Variants in PLD5 observed in about 807,000 individuals in gnomAD.
The protein encoded by PLD5 is phospholipase D family member 5.
In PLD5, 36 loss-of-function variants were observed where a neutral mutation model predicts 61.1. The ratio of observed to expected loss-of-function variants is 0.59; its 90% CI spans 0.45 to 0.78. PLD5 has a LOEUF of 0.78. Among genes scored for constraint, PLD5 ranks in the 30% least tolerant of loss-of-function variants. The pLI is 0.00. For missense variants in PLD5, 515 were observed against 644.4 expected (o/e 0.80, Z 2.17); for synonymous variants, 243 against 242.8 (o/e 1.00, Z -0.01).
In PLD5 at chr1:242,089,403, A is replaced by T; in HGVS notation, c.*451T>A. On this transcript the variant is annotated 3_prime_UTR_variant, in exon 10 of 10. Transcript: ENST00000536534. The stretch of plus-strand genomic sequence containing the variant: ...TTAGCTGACTGTGTAGGTCTTGGAG[A>T]CGATTTACAAGAATAAACACTTGGT... The T allele has an allele frequency of 1.5e-5, 6 of 397,364 alleles. No individual in the cohort carries two copies. Among genetic ancestry groups the T allele is most frequent in the Admixed American group, 1.3e-4 (3 of 22,960 alleles). 24.6% of individuals were successfully genotyped at this position (397,364 alleles called of 1,614,324 possible).
intron 1 of PLD5, among the ~76,000 whole-genome samples, chr1:242,460,046 T>C (rs915897903): frequency 6.6e-6 from 1 of 152,216 alleles, no homozygotes; most frequent in Non-Finnish European, 1.5e-5. Context: ...CTGATTAATA[T>C]CTTGCTAATC....
chr1:242,425,639 C>CTTTTTTTTTTTTTTTTTTTTTTTTTTT (rs35709516), intron 1 of PLD5, among the ~76,000 whole-genome samples: 1 of 129,892 alleles, frequency 7.7e-6, no homozygotes, highest in Non-Finnish European at 1.6e-5. Flanking sequence ...CTTACTGTAA[C>CTTTTTTTTTTTTTTTTTTTTTTTTTTT]TTTTTTTTTT....
chr1:242,147,791 T>C (rs1015348513), intron 5 of PLD5, among the ~76,000 whole-genome samples: 2 of 152,226 alleles, frequency 1.3e-5, no homozygotes, highest in African/African-American at 4.8e-5. Flanking sequence ...AAGGTATTTA[T>C]ATACTGACTT....
At chr1:242,253,115 C>CTTTTTTTTTT (rs35097685) in intron 4 of PLD5, among the ~76,000 whole-genome samples, 5 of 73,198 alleles carry the variant, frequency 6.8e-5, no homozygotes, top group African/African-American at 2.4e-4. Flanking sequence ...GTGTATGGCC[C>CTTTTTTTTTT]TTTTTTTTTT....
intron 2 of PLD5, among the ~76,000 whole-genome samples, chr1:242,312,804 G>T (rs1350760203): frequency 3.3e-5 from 5 of 152,220 alleles, no homozygotes; most frequent in Non-Finnish European, 5.9e-5. Context: ...TGGGGCAAGG[G>T]TGAGTAAAAA....
At chr1:242,339,270 A>T (rs547538142) in intron 2 of PLD5, among the ~76,000 whole-genome samples, 1 of 152,296 alleles carries the variant, frequency 6.6e-6, no homozygotes, top group African/African-American at 2.4e-5. Flanking sequence ...AGAGAGACAG[A>T]TAGATGTGTT....
At chr1:242,139,179 A>G (rs1180896508) in intron 5 of PLD5, among the ~76,000 whole-genome samples, 2 of 151,824 alleles carry the variant, frequency 1.3e-5, no homozygotes, top group African/African-American at 4.8e-5. Flanking sequence ...TGCAAATACT[A>G]CTGTGTTATT....
At chr1:242,178,134 C>G (rs553115977) in intron 5 of PLD5, among the ~76,000 whole-genome samples, 1 of 152,218 alleles carries the variant, frequency 6.6e-6, no homozygotes, top group African/African-American at 2.4e-5. Context: ...TAAAGCTTAT[C>G]CAGCATCTAG....
chr1:242,307,999 A>G (rs1324789712), intron 2 of PLD5, among the ~76,000 whole-genome samples: 1 of 152,246 alleles, frequency 6.6e-6, no homozygotes, highest in East Asian at 1.9e-4. Context: ...ATTATACAAT[A>G]TAACAGTTAC....
At chr1:242,524,942 C>T (rs1006224253), upstream of PLD5, among the ~76,000 whole-genome samples, 2 of 152,030 alleles carry the variant, frequency 1.3e-5, no homozygotes, top group Non-Finnish European at 2.9e-5. Flanking sequence ...GAAGTGAGCG[C>T]CGTCTCCGCG....
At chr1:242,457,893 T>C (rs1166124208) in intron 1 of PLD5, among the ~76,000 whole-genome samples, 1 of 152,214 alleles carries the variant, frequency 6.6e-6, no homozygotes, top group Non-Finnish European at 1.5e-5. Context: ...GACGCTCCTA[T>C]CGAGGTCTAT....
rs141429858 is a variant in PLD5 at position 242,384,852 on chromosome 1, T to G, written c.190-36610A>C. On this transcript the variant is annotated intron_variant, in intron 1 of 9. Transcript: ENST00000536534. The stretch of plus-strand genomic sequence containing the variant: ...TGGAAATCTACCTTGAAGATATACC[T>G]TCACTAAAAGAAACAACACATGCAA... Among the ~76,000 whole-genome samples the G allele has an allele frequency of 6.6e-5, 10 of 152,324 alleles. No homozygotes were observed. In the East Asian group the frequency reaches 1.2e-3, roughly 18 times the overall value.
chr1:242,443,734 G>A (rs947261063), intron 1 of PLD5, among the ~76,000 whole-genome samples: 4 of 152,168 alleles, frequency 2.6e-5, no homozygotes, highest in African/African-American at 9.7e-5. Flanking sequence ...GGCATTTAAA[G>A]TTGCAGTCAA....
chr1:242,221,952 G>A (rs900234758), intron 4 of PLD5, among the ~76,000 whole-genome samples: 5 of 152,086 alleles, frequency 3.3e-5, no homozygotes, highest in East Asian at 1.9e-4. Flanking sequence ...CTTATCCTCC[G>A]TTCTGGAGGT....
chr1:242,526,331 A>G (rs1421507965), upstream of PLD5, among the ~76,000 whole-genome samples: 1 of 152,184 alleles, frequency 6.6e-6, no homozygotes, highest in Non-Finnish European at 1.5e-5. Context: ...GGCAACAGTG[A>G]GCCGATATCG....
intron 1 of PLD5, among the ~76,000 whole-genome samples, chr1:242,436,696 G>C (rs1333925241): frequency 6.6e-6 from 1 of 152,106 alleles, no homozygotes; most frequent in Admixed American, 6.5e-5. Context: ...TAAGGATTTG[G>C]ATACAAGCTC....
At chr1:242,185,493 CTG>C (rs769958442) in intron 5 of PLD5, among the ~76,000 whole-genome samples, 2 of 152,168 alleles carry the variant, frequency 1.3e-5, no homozygotes, top group Non-Finnish European at 2.9e-5. Flanking sequence ...AAAAAAATAA[CTG>C]TAGCTAGTTT....
At chr1:242,255,011 G>A (rs3001671) in intron 4 of PLD5, among the ~76,000 whole-genome samples, 11 of 152,160 alleles carry the variant, frequency 7.2e-5, no homozygotes, top group Non-Finnish European at 1.2e-4. Flanking sequence ...AGTGGCATTC[G>A]CTTTGAGAAG....
chr1:242,507,592 G>A lies in PLD5; in HGVS notation c.189+16496C>T, dbSNP rs77074804. Among the ~76,000 whole-genome samples the A allele has an allele frequency of 6.1e-3, 921 of 152,224 alleles. 9 individuals are homozygous for A. Among genetic ancestry groups the A allele is most frequent in the African/African-American group, 0.021 (876 of 41,532 alleles). ...ATGTTAATGAATGGATAAATCAATC[G>A]ACCAAATATCCTACTCAAACTGGAC... On this transcript the variant is annotated intron_variant, in intron 1 of 9. Coordinates refer to ENST00000536534, the MANE Select transcript of PLD5 (RefSeq NM_001372062.1).
Sources: gnomAD v4.1 joint callset for allele counts (sites outside exome capture counted in the v4.1 genomes callset) on GRCh38, gnomAD v4.1.1 for gene constraint, MANE v1.5 for transcripts, NCBI Gene and HGNC (gene_info 2026-07-23, HGNC 2026-07-21) for gene names.